The following PIWIL1 variants were observed in gnomAD, a reference collection of about 807,000 sequenced individuals.
PIWIL1 encodes piwi like RNA-mediated gene silencing 1.
Under a neutral mutation model 114.4 loss-of-function variants are expected in PIWIL1, and 73 were observed. That is an observed-to-expected ratio of 0.64 (90% CI 0.53 to 0.78). The LOEUF (loss-of-function observed/expected upper bound fraction) is 0.78, where lower values mean the gene tolerates loss of function less well. Ranked by LOEUF, PIWIL1 falls within the 30% of genes least tolerant of loss-of-function variation. The pLI, the probability that PIWIL1 is intolerant of heterozygous loss-of-function variation, is 0.00. For missense variants in PIWIL1, 723 were observed against 1,063.1 expected (o/e 0.68, Z 4.45); for synonymous variants, 375 against 369.0 (o/e 1.02, Z -0.19).
chr12:130,381,100 A>G, the PIWIL1 span, among the ~76,000 whole-genome samples: 3 of 152,136 alleles, frequency 2.0e-5, no homozygotes, highest in Non-Finnish European at 4.4e-5. Flanking sequence ...ATGAACCTAC[A>G]GTGACATCAT....
chr12:130,354,673 C>T lies in PIWIL1; in HGVS notation c.1171+10C>T. On this transcript the variant is annotated intron_variant, in intron 10 of 20. Coordinates refer to ENST00000245255, the MANE Select transcript of PIWIL1 (RefSeq NM_004764.5). Reference sequence around the variant, plus strand: ...CTCTGCTATCTTACAGGTACTGTTGCATTTCATTTACTCGGAAGGAAGCCA... The same window carrying T: ...CTCTGCTATCTTACAGGTACTGTTGTATTTCATTTACTCGGAAGGAAGCCA... 1 of 1,561,348 alleles carries T rather than the reference C, an allele frequency of 6.4e-7. No individual in the cohort carries two copies. Among genetic ancestry groups the T allele is most frequent in the Non-Finnish European group, 8.6e-7 (1 of 1,157,166 alleles).
the PIWIL1 span, among the ~76,000 whole-genome samples, chr12:130,409,001 G>A: frequency 1.3e-5 from 2 of 151,708 alleles, no homozygotes; most frequent in Non-Finnish European, 3.0e-5. Context: ...TGCAGGACCT[G>A]CACATGTGTG....
chr12:130,400,488 A>T, the PIWIL1 span, among the ~76,000 whole-genome samples: 1 of 152,152 alleles, frequency 6.6e-6, no homozygotes, highest in Non-Finnish European at 1.5e-5. Flanking sequence ...CCTGCTGGTC[A>T]TCTGCACCAA....
At chr12:130,396,081 A>AGTC in the PIWIL1 span, 3 of 152,656 alleles carry the variant, frequency 2.0e-5, no homozygotes, top group Non-Finnish European at 4.4e-5. Context: ...AGAGAAAGGA[A>AGTC]GTCAGTTATC....
chr12:130,370,431 TA>T (rs1213928029), intron 19 of PIWIL1, among the ~76,000 whole-genome samples: 1 of 152,180 alleles, frequency 6.6e-6, no homozygotes, highest in Non-Finnish European at 1.5e-5. Flanking sequence ...AACAACTATT[TA>T]CATAGCATTT....
chr12:130,376,520 T>C (rs10732586), downstream of PIWIL1, among the ~76,000 whole-genome samples: 148,587 of 152,278 alleles, frequency 0.98, 72,553 homozygotes, highest in Non-Finnish European at 1. Flanking sequence ...GAACTGGTGT[T>C]TCAGTATGCT....
chr12:130,407,343 A>G, the PIWIL1 span, among the ~76,000 whole-genome samples: 1 of 152,012 alleles, frequency 6.6e-6, no homozygotes, highest in Non-Finnish European at 1.5e-5. Context: ...TTTCCTCTCT[A>G]CTGTTCTATG....
At chr12:130,359,293 G>C (rs2073448637) in intron 14 of PIWIL1, among the ~76,000 whole-genome samples, 1 of 152,188 alleles carries the variant, frequency 6.6e-6, no homozygotes, top group Non-Finnish European at 1.5e-5. Flanking sequence ...TTCAGTCTTT[G>C]TCCAAGAACT....
the PIWIL1 span, among the ~76,000 whole-genome samples, chr12:130,413,225 A>C: frequency 6.6e-6 from 1 of 152,212 alleles, no homozygotes; most frequent in Non-Finnish European, 1.5e-5. Flanking sequence ...CTCAAATGCC[A>C]ACTGTCAGGA....
chr12:130,375,274 G>T (rs2073858424), downstream of PIWIL1, among the ~76,000 whole-genome samples: 1 of 152,154 alleles, frequency 6.6e-6, no homozygotes, highest in Non-Finnish European at 1.5e-5. Context: ...CTGGAGAAAA[G>T]CACGCAACCC....
intron 1 of PIWIL1, among the ~76,000 whole-genome samples, chr12:130,339,255 G>A (rs2072827908): frequency 6.6e-6 from 1 of 152,138 alleles, no homozygotes; most frequent in Non-Finnish European, 1.5e-5. Flanking sequence ...TGGAGGGAAA[G>A]GGGCGGCGGG....
At chr12:130,362,645 G>GTC (rs2073545944) in intron 16 of PIWIL1, 121 bp from the exon 17 acceptor site, 1 of 783,028 alleles carries the variant, frequency 1.3e-6, no homozygotes, top group African/African-American at 1.7e-5. Context: ...GTTAACAGAT[G>GTC]TCTTTAAGGC....
intron 9 of PIWIL1, among the ~76,000 whole-genome samples, chr12:130,352,540 G>A (rs1459817222): frequency 3.3e-5 from 5 of 152,150 alleles, no homozygotes; most frequent in African/African-American, 1.2e-4. Flanking sequence ...TTAGCTGGGT[G>A]TGGTGGCATA....
At chr12:130,424,310 G>T in the PIWIL1 span, 6 of 1,231,654 alleles carry the variant, frequency 4.9e-6, no homozygotes, top group Non-Finnish European at 6.1e-6. This position sits in a 1 kb window ranked among gnomAD's most constrained non-coding sequence, Gnocchi z 9.8. Context: ...GCTGGGGGTC[G>T]TCGTTCCTGA....
chr12:130,368,969 A>G (rs1008665275), intron 19 of PIWIL1, among the ~76,000 whole-genome samples: 2 of 151,302 alleles, frequency 1.3e-5, no homozygotes, highest in Non-Finnish European at 2.9e-5. Context: ...GGTTTACTGC[A>G]CTTATCAACC....
At chr12:130,395,446 A>AAAAT in the PIWIL1 span, among the ~76,000 whole-genome samples, 1 of 152,134 alleles carries the variant, frequency 6.6e-6, no homozygotes, top group Non-Finnish European at 1.5e-5. Flanking sequence ...ACTTACTTAT[A>AAAAT]AAATAGGGGG....
the PIWIL1 span, among the ~76,000 whole-genome samples, chr12:130,412,971 A>G: frequency 6.6e-6 from 1 of 152,154 alleles, no homozygotes. Context: ...CCCTCGCTCT[A>G]TGACTCTGAC....
At chr12:130,405,303 C>G in the PIWIL1 span, among the ~76,000 whole-genome samples, 6 of 152,172 alleles carry the variant, frequency 3.9e-5, no homozygotes, top group African/African-American at 1.4e-4. Flanking sequence ...AATCAGAAAC[C>G]AGGCAGAGGA....
chr12:130,350,450 G>A (rs891331692), intron 9 of PIWIL1, among the ~76,000 whole-genome samples: 5 of 152,328 alleles, frequency 3.3e-5, no homozygotes, highest in Admixed American at 3.3e-4. Context: ...AGGCTTGTTA[G>A]CACAGGCTAG....
Sources: gnomAD v4.1 joint callset for allele counts (sites outside exome capture counted in the v4.1 genomes callset) on GRCh38, gnomAD v4.1.1 for gene constraint, Gnocchi (gnomAD v3.1) non-coding constraint, MANE v1.5 for transcripts, NCBI Gene and HGNC (gene_info 2026-07-23, HGNC 2026-07-21) for gene names.